SP140L: variants seen among roughly 807,000 people sequenced by gnomAD.
SP140L encodes the protein SP140 like nuclear body protein, also known as nuclear body protein SP140-like protein.
Under a neutral mutation model 84.3 loss-of-function variants are expected in SP140L, and 64 were observed. That is an observed-to-expected ratio of 0.76 (90% CI 0.62 to 0.94). The LOEUF is 0.94. SP140L is among the 40% of genes least tolerant of loss of function. SP140L has a pLI of 0.00. For synonymous variants in SP140L, 242 were observed against 236.9 expected, an observed-to-expected ratio of 1.02 and a Z score of -0.20; for missense variants, 628 against 692.5, an observed-to-expected ratio of 0.91 and a Z score of 1.05.
intron 2 of SP140L, among the ~76,000 whole-genome samples, chr2:230,352,739 T>G (rs1180812380): frequency 1.3e-5 from 2 of 152,110 alleles, no homozygotes; most frequent in Non-Finnish European, 1.5e-5. Context: ...ATTTTAGTAT[T>G]TATACTAATT....
At position 230,392,153 on chromosome 2, in the gene SP140L, A is replaced by G. The variant is rs201416155; in HGVS notation, c.1031A>G (p.Lys344Arg). The change falls in exon 12 of 19, where the codon AAA becomes AGA. Residue 344 changes from lysine (K) to arginine (R), a missense_variant. Around this residue, in one of 4 missense-constraint regions of SP140L, gnomAD observed 525 missense variants for 518.4 expected, o/e 1.01. Coordinates refer to ENST00000415673, the MANE Select transcript of SP140L (RefSeq NM_138402.6). ...TTCACCCCCATGGAATTTGAAATCAAAGGAGGCTACGCAAGATCAAAGAAC... is the reference window on the plus strand; with the variant it reads ...TTCACCCCCATGGAATTTGAAATCAGAGGAGGCTACGCAAGATCAAAGAAC... The part of the protein sequence containing the change: ...KWFTPMEFEI[K>R]GGYARSKNWR... 6.8e-6 allele frequency: 11 copies of G among 1,614,098 alleles called. No individual in the cohort carries two copies. The East Asian group carries it at 2.2e-4, about 33-fold the overall frequency.
rs2062249224 is a variant in SP140L at position 230,400,160 on chromosome 2, G to A, written c.1231G>A (p.Asp411Asn). 6.2e-7 allele frequency: 1 copy of A among 1,614,206 alleles called. No individual in the cohort carries two copies. Among genetic ancestry groups the A allele is most frequent in the East Asian group, 2.2e-5 (1 of 44,892 alleles). ...CTTGGATGAGTGTGAGGTGTGCCGG[G>A]ACGGAGGGGAGCTGTTCTGTTGCGA... ...RNLDECEVCR[D>N]GGELFCCDTC... The change falls in exon 15 of 19, where the codon GAC becomes AAC. Residue 411 changes from aspartate to asparagine, a missense_variant. This residue lies in a region of SP140L where 525 missense variants were observed against 518.4 expected (regional missense o/e 1.01). Coordinates refer to ENST00000415673, the MANE Select transcript of SP140L (RefSeq NM_138402.6).
intron 4 of SP140L, 28 bp from the exon 5 acceptor site, chr2:230,361,586 T>G: frequency 6.5e-7 from 1 of 1,531,876 alleles, no homozygotes; most frequent in South Asian, 1.2e-5. Context: ...AGATCTTTAA[T>G]TGCTTTCTTC....
At chr2:230,375,090 A>G (rs1420591157) in intron 7 of SP140L, among the ~76,000 whole-genome samples, 1 of 152,238 alleles carries the variant, frequency 6.6e-6, no homozygotes, top group African/African-American at 2.4e-5. Flanking sequence ...CATAATTTGA[A>G]AACATTTTTA....
intron 13 of SP140L, among the ~76,000 whole-genome samples, chr2:230,395,014 CA>C: frequency 6.6e-6 from 1 of 151,196 alleles, no homozygotes; most frequent in East Asian, 1.9e-4. Context: ...GACGGAGTTT[CA>C]CTCTTGTCAT....
chr2:230,342,495 A>G (rs1041224089), intron 2 of SP140L, among the ~76,000 whole-genome samples: 2 of 152,118 alleles, frequency 1.3e-5, no homozygotes, highest in South Asian at 2.1e-4. Context: ...AGCTGTTCCT[A>G]TTCGGCCATC....
chr2:230,339,475 T>A (rs1469413953), intron 2 of SP140L, among the ~76,000 whole-genome samples: 7 of 151,580 alleles, frequency 4.6e-5, no homozygotes, highest in Non-Finnish European at 8.9e-5. Context: ...TTTTGAAGGG[T>A]TTTTTGTGTC....
intron 7 of SP140L, among the ~76,000 whole-genome samples, chr2:230,382,721 G>A (rs185422690): frequency 2.0e-5 from 3 of 152,212 alleles, no homozygotes; most frequent in African/African-American, 4.8e-5. Context: ...TAGGTCTACA[G>A]AACACTTGCA....
Position 230,401,406 on chromosome 2 carries a change from A to C in SP140L, c.1463A>C (p.Glu488Ala). 6.3e-7 allele frequency: 1 copy of C among 1,577,750 alleles called. No homozygotes were observed. Among genetic ancestry groups the C allele is most frequent in the Non-Finnish European group, 8.6e-7 (1 of 1,164,184 alleles). ...CTCTTGAAAGTCTATTGCTGTTCTG[A>C]GAGCTCCTTTTTTGCCAAGATTCCA... is the stretch of plus-strand genomic sequence containing the variant. ...FLLLKVYCCS[E>A]SSFFAKIPYY... Residue 488 changes from glutamate (E) to alanine (A), a missense_variant, in exon 17 of 19, where the codon GAG becomes GCG. This residue lies in a region of SP140L where 52 missense variants were observed against 87.0 expected (regional missense o/e 0.60). Transcript: ENST00000415673.
Position 230,365,336 on chromosome 2 carries a change from T to C in SP140L, c.523+3639T>C, listed in dbSNP as rs546741865. 5.9e-5 allele frequency among the ~76,000 whole-genome samples: 9 copies of C among 152,184 alleles called. No individual in the cohort carries two copies. The East Asian group carries it at 1.2e-3, about 20-fold the overall frequency. On this transcript the variant is annotated intron_variant, in intron 5 of 18. Transcript: ENST00000415673. ...CTGGATTACATCTCCTTATTCATTA[T>C]TGGTCTGCTCAGGTTTTTATATTTG...
intron 2 of SP140L, among the ~76,000 whole-genome samples, chr2:230,329,386 T>G (rs912088680): frequency 6.6e-6 from 1 of 152,256 alleles, no homozygotes; most frequent in Non-Finnish European, 1.5e-5. Flanking sequence ...TTTTTTACTT[T>G]GAGTTCACAA....
rs2061676081 is a variant in SP140L at position 230,388,474 on chromosome 2, A to G, written c.785-85A>G. 1.8e-5 allele frequency: 21 copies of G among 1,150,272 alleles called. No homozygotes were observed. In the South Asian group the frequency reaches 3.0e-4, roughly 16 times the overall value. The allele number at this position is 1,150,272 out of a possible 1,614,324, so 71.3% of individuals were successfully genotyped here. A position where few individuals can be genotyped will look rare whatever the true frequency, so the allele number is the denominator to read the frequency against. Reference sequence around the variant, plus strand: ...ATTAAACAGGCTTTTGGAAAGTTACATTTAAATGGAATTTTTGAAAAGCAG... The same window carrying G: ...ATTAAACAGGCTTTTGGAAAGTTACGTTTAAATGGAATTTTTGAAAAGCAG... On this transcript the variant is annotated intron_variant, in intron 9 of 18. Transcript: ENST00000415673.
chr2:230,333,164 A>ATTTT (rs777170281), intron 2 of SP140L, among the ~76,000 whole-genome samples: 1 of 143,600 alleles, frequency 7.0e-6, no homozygotes. Context: ...TGCCATTCTG[A>ATTTT]TTTTTTTTTT....
chr2:230,350,492 A>G (rs1299450734), intron 2 of SP140L, among the ~76,000 whole-genome samples: 4 of 152,234 alleles, frequency 2.6e-5, no homozygotes, highest in South Asian at 2.1e-4. Context: ...CAATGCTTCA[A>G]TAAATACTTC....
chr2:230,347,359 G>T (rs183089081), intron 2 of SP140L, among the ~76,000 whole-genome samples: 2 of 152,148 alleles, frequency 1.3e-5, no homozygotes, highest in African/African-American at 4.8e-5. Flanking sequence ...TTCTCTTCCA[G>T]AGTAGAACCA....
chr2:230,356,282 C>T (rs943469764), intron 2 of SP140L, among the ~76,000 whole-genome samples: 1 of 152,080 alleles, frequency 6.6e-6, no homozygotes, highest in Non-Finnish European at 1.5e-5. Context: ...AGCATTTTGC[C>T]ACAAAAAGAC....
At position 230,359,255 on chromosome 2, in the gene SP140L, A is replaced by G. The variant is rs75617909; in HGVS notation, c.439+123A>G. 4.0e-4 allele frequency: 333 copies of G among 834,830 alleles called. 1 individual carries two copies. In the African/African-American group the frequency reaches 5.5e-3, roughly 14 times the overall value. 51.7% of individuals were successfully genotyped at this position (834,830 alleles called of 1,614,324 possible). On this transcript the variant is annotated intron_variant, in intron 4 of 18. Transcript: ENST00000415673. ...CAGTGGGCATAGAGTAGTTAACAAA[A>G]TAGACGTGTCATGAGTCTTCTTGAA...
At chr2:230,393,489 T>A (rs755964640) in intron 13 of SP140L, 28 bp downstream of exon 13, 48 of 1,549,268 alleles carry the variant, frequency 3.1e-5, no homozygotes, top group Middle Eastern at 1.7e-4. Context: ...TTCTACAGAT[T>A]CTTGTCACAC....
intron 10 of SP140L, among the ~76,000 whole-genome samples, chr2:230,389,624 A>G (rs567909466): frequency 6.6e-6 from 1 of 152,296 alleles, no homozygotes; most frequent in South Asian, 2.1e-4. Flanking sequence ...TGTATGTTTC[A>G]TTGTCATATA....
Sources: gnomAD v4.1 joint callset for allele counts (sites outside exome capture counted in the v4.1 genomes callset) on GRCh38, gnomAD v4.1.1 for gene constraint, gnomAD v4.1.1 regional missense constraint, MANE v1.5 for transcripts, NCBI Gene and HGNC (gene_info 2026-07-23, HGNC 2026-07-21) for gene names.